SUSD1: variants seen among roughly 807,000 people sequenced by gnomAD.
The protein encoded by SUSD1 is sushi domain-containing protein 1.
In SUSD1, 65 loss-of-function variants were observed where a neutral mutation model predicts 86.9. The observed-to-expected ratio is 0.75, with a 90% CI of 0.61 to 0.92. SUSD1 has a LOEUF of 0.92. SUSD1 is among the 40% of genes least tolerant of loss of function. The pLI, the probability that SUSD1 is intolerant of heterozygous loss-of-function variation, is 0.00. For missense variants in SUSD1, 850 were observed against 929.7 expected (o/e 0.91, Z 1.11); for synonymous variants, 346 against 350.0 (o/e 0.99, Z 0.13).
intron 11 of SUSD1, among the ~76,000 whole-genome samples, chr9:112,079,297 C>T (rs1446642822): frequency 6.6e-6 from 1 of 152,152 alleles, no homozygotes; most frequent in Non-Finnish European, 1.5e-5. Flanking sequence ...GGTCCCAATA[C>T]TGGCAGCTTT....
rs1397427550 is a variant in SUSD1 at position 112,075,583 on chromosome 9, A to G, written c.1753+2955T>C. 2.0e-5 allele frequency among the ~76,000 whole-genome samples: 3 copies of G among 152,006 alleles called. No homozygotes were observed. In the East Asian group the frequency reaches 5.8e-4, roughly 29 times the overall value. ...CTCTACAAAAAATAAAAACAAAAAA[A>G]TCCCTTTTGTAATTAGCCAGGCATG... On this transcript the variant is annotated intron_variant, in intron 12 of 16. Transcript: ENST00000374270.
intron 5 of SUSD1, among the ~76,000 whole-genome samples, chr9:112,138,268 T>TATATATATATATGTATATACAC (rs1832392797): frequency 1.3e-5 from 1 of 74,644 alleles, no homozygotes; most frequent in Non-Finnish European, 2.9e-5. Context: ...TGTATATACA[T>TATATATATATATGTATATACAC]ATATATATAT....
intron 1 of SUSD1, among the ~76,000 whole-genome samples, chr9:112,163,188 C>A (rs1156700775): frequency 6.6e-6 from 1 of 152,060 alleles, no homozygotes; most frequent in African/African-American, 2.4e-5. Context: ...ACTCTGTCGC[C>A]TCTGTCACCC....
In SUSD1 at chr9:112,105,654, G is replaced by T. The variant is rs571651183; in HGVS notation, c.1172-3369C>A. 9.7e-4 allele frequency among the ~76,000 whole-genome samples: 148 copies of T among 152,324 alleles called. 1 individual carries two copies. Among genetic ancestry groups the T allele is most frequent in the Admixed American group, 5.2e-4 (8 of 15,306 alleles). ...GAATCTCTTGAACACAGGAGGCGAA[G>T]GTTGCAATGAGCCAATATCACGCCA... On this transcript the variant is annotated intron_variant, in intron 8 of 16. Coordinates refer to ENST00000374270, the MANE Select transcript of SUSD1 (RefSeq NM_022486.5).
At chr9:112,144,840 C>T (rs1442222989) in intron 3 of SUSD1, among the ~76,000 whole-genome samples, 2 of 152,094 alleles carry the variant, frequency 1.3e-5, no homozygotes, top group South Asian at 2.1e-4. Flanking sequence ...TGAAGACTAT[C>T]AGAGGCAGCA....
At chr9:112,083,992 C>A (rs1161967347) in intron 10 of SUSD1, among the ~76,000 whole-genome samples, 3 of 152,140 alleles carry the variant, frequency 2.0e-5, no homozygotes, top group Non-Finnish European at 4.4e-5. Flanking sequence ...AAATAAATGG[C>A]ACCACTAGTG....
At chr9:112,099,513 G>A (rs538649244) in intron 9 of SUSD1, among the ~76,000 whole-genome samples, 25 of 152,200 alleles carry the variant, frequency 1.6e-4, no homozygotes, top group African/African-American at 5.8e-4. Flanking sequence ...TACTTCACTG[G>A]ACCCTTCCTA....
chr9:112,110,947 C>A (rs556143613), intron 8 of SUSD1, among the ~76,000 whole-genome samples: 6 of 152,124 alleles, frequency 3.9e-5, no homozygotes, highest in Non-Finnish European at 7.4e-5. Flanking sequence ...GCCTCCCTGG[C>A]ACCTCCTCTT....
At chr9:112,145,363 G>A (rs1008744268) in intron 3 of SUSD1, among the ~76,000 whole-genome samples, 35 of 143,446 alleles carry the variant, frequency 2.4e-4, no homozygotes, top group African/African-American at 7.8e-4. Context: ...TATTGCAACC[G>A]CTGCCTCCTG....
intron 10 of SUSD1, among the ~76,000 whole-genome samples, chr9:112,080,928 A>G (rs890597965): frequency 2.0e-4 from 31 of 152,304 alleles, no homozygotes; most frequent in African/African-American, 7.2e-4. Context: ...GAGGAAAAGA[A>G]TAGGAGGTGG....
At chr9:112,051,426 T>TTTTTTTTTTTTTTA (rs1828198366) in intron 15 of SUSD1, among the ~76,000 whole-genome samples, 1 of 125,566 alleles carries the variant, frequency 8.0e-6, no homozygotes, top group Non-Finnish European at 1.7e-5. Flanking sequence ...TTTTTTTTTT[T>TTTTTTTTTTTTTTA]TTTTTTTGTT....
intron 1 of SUSD1, among the ~76,000 whole-genome samples, chr9:112,161,422 G>A (rs1333970529): frequency 6.6e-6 from 1 of 151,566 alleles, no homozygotes; most frequent in African/African-American, 2.4e-5. Context: ...CAAAATCTTG[G>A]AAATACTTTC....
chr9:112,105,449 T>C (rs1185702599), intron 8 of SUSD1, among the ~76,000 whole-genome samples: 3 of 152,212 alleles, frequency 2.0e-5, no homozygotes, highest in African/African-American at 4.8e-5. Flanking sequence ...CCGGGCATAG[T>C]GGCTCACGCC....
chr9:112,153,876 A>G (rs1833177290), intron 2 of SUSD1, among the ~76,000 whole-genome samples: 1 of 151,864 alleles, frequency 6.6e-6, no homozygotes, highest in Admixed American at 6.6e-5. Context: ...GGCTTCCAAA[A>G]GTGCTGGGAT....
intron 8 of SUSD1, among the ~76,000 whole-genome samples, chr9:112,103,772 C>T (rs1830722890): frequency 6.6e-6 from 1 of 152,100 alleles, no homozygotes. Flanking sequence ...AGAGCCGGGG[C>T]TAAAGAAAGA....
intron 12 of SUSD1, among the ~76,000 whole-genome samples, chr9:112,072,407 G>T (rs1232070515): frequency 6.6e-6 from 1 of 151,704 alleles, no homozygotes; most frequent in African/African-American, 2.4e-5. Context: ...GCTGGGATGG[G>T]ATTACAGGCA....
intron 8 of SUSD1, among the ~76,000 whole-genome samples, chr9:112,110,734 C>CT (rs375078056): frequency 0.021 from 2,991 of 145,636 alleles, 111 homozygotes; most frequent in African/African-American, 0.069. Context: ...ATAACCAGAG[C>CT]TTTTTTTTTT....
At chr9:112,114,438 C>T (rs4081287) in intron 6 of SUSD1, among the ~76,000 whole-genome samples, 3 of 151,466 alleles carry the variant, frequency 2.0e-5, no homozygotes, top group African/African-American at 7.3e-5. Context: ...AGCCAAGATC[C>T]TGCCACTGCA....
intron 16 of SUSD1, 35 bp downstream of exon 16, chr9:112,041,832 T>G (rs1371808102): frequency 6.3e-7 from 1 of 1,593,428 alleles, no homozygotes; most frequent in Non-Finnish European, 8.6e-7. Flanking sequence ...TCCCCTCCAT[T>G]CCAGTCATTT....
Sources: allele counts gnomAD v4.1 joint callset (sites outside exome capture counted in the v4.1 genomes callset), GRCh38; gene constraint gnomAD v4.1.1; transcripts MANE v1.5; gene names NCBI Gene and HGNC (gene_info 2026-07-23, HGNC 2026-07-21).